Variants in PALB2 observed in about 807,000 individuals in gnomAD.
PALB2 encodes the protein mutant partner and localizer of BRCA2.
PALB2 carries 82 observed loss-of-function variants against 107.4 expected under a neutral mutation model. That is an observed-to-expected ratio of 0.76 (90% CI 0.64 to 0.92). The LOEUF (loss-of-function observed/expected upper bound fraction) is 0.92. Among genes scored for constraint, PALB2 ranks in the 40% least tolerant of loss-of-function variants. PALB2 has a pLI of 0.00. For synonymous variants in PALB2, 489 were observed against 496.8 expected (o/e 0.98, Z 0.21); for missense variants, 1,374 against 1,379.9 (o/e 1.00, Z 0.07).
chr16:23,633,291 C>T (rs995583403), intron 4 of PALB2, among the ~76,000 whole-genome samples: 3 of 152,168 alleles, frequency 2.0e-5, no homozygotes, highest in Admixed American at 1.3e-4. Context: ...TATTTTTGCA[C>T]ATAAAGTTGT....
chr16:23,618,674 TA>T (rs1262741541), intron 10 of PALB2, among the ~76,000 whole-genome samples: 2 of 151,820 alleles, frequency 1.3e-5, no homozygotes, highest in East Asian at 1.9e-4. Context: ...AGACATAGTC[TA>T]AAAAAATTTA....
intron 10 of PALB2, among the ~76,000 whole-genome samples, chr16:23,616,393 T>A (rs2142309083): frequency 6.6e-6 from 1 of 152,334 alleles, no homozygotes; most frequent in South Asian, 2.1e-4. Flanking sequence ...AAATTAAATT[T>A]TTATGTGCAT....
At chr16:23,617,580 AT>A (rs59234794) in intron 10 of PALB2, 25,846 of 135,118 alleles carry the variant, frequency 0.19, 2,337 homozygotes, top group African/African-American at 0.26. Context: ...AAAAAAAAAA[AT>A]TTTTTTTTTT....
At chr16:23,619,308 C>G (rs1966734069) in intron 10 of PALB2, among the ~76,000 whole-genome samples, 1 of 152,084 alleles carries the variant, frequency 6.6e-6, no homozygotes, top group South Asian at 2.1e-4. Flanking sequence ...TGATGGTTTC[C>G]CTATCACAAA....
chr16:23,608,344 C>A (rs1050552402), intron 11 of PALB2, among the ~76,000 whole-genome samples: 1 of 151,966 alleles, frequency 6.6e-6, no homozygotes, highest in Non-Finnish European at 1.5e-5. Flanking sequence ...CGTCAGCCAC[C>A]GCGCTCAGCC....
At chr16:23,633,690 T>C (rs1031207194) in intron 4 of PALB2, among the ~76,000 whole-genome samples, 2 of 152,136 alleles carry the variant, frequency 1.3e-5, no homozygotes, top group Non-Finnish European at 2.9e-5. Flanking sequence ...CTAAAAGAGA[T>C]AGTCAGTGGA....
chr16:23,626,504 TA>T (rs1966843142), intron 6 of PALB2, 107 bp from the exon 7 acceptor site: 1 of 1,390,098 alleles, frequency 7.2e-7, no homozygotes, highest in Non-Finnish European at 1.0e-6. Flanking sequence ...AGTAGGTATG[TA>T]AAATTTAAGT....
At chr16:23,623,482 G>T (rs1597081968) in intron 8 of PALB2, among the ~76,000 whole-genome samples, 1 of 143,810 alleles carries the variant, frequency 7.0e-6, no homozygotes, top group Non-Finnish European at 1.5e-5. Flanking sequence ...GATTACAGGT[G>T]TGAGCCACCA....
intron 7 of PALB2, among the ~76,000 whole-genome samples, chr16:23,625,720 C>G (rs2142350491): frequency 6.6e-6 from 1 of 152,252 alleles, no homozygotes; most frequent in South Asian, 2.1e-4. Flanking sequence ...TCCCTTGAAC[C>G]TGGGCGGCAG....
At chr16:23,631,584 T>C (rs966797515) in intron 4 of PALB2, among the ~76,000 whole-genome samples, 8 of 152,154 alleles carry the variant, frequency 5.3e-5, no homozygotes, top group African/African-American at 1.9e-4. Context: ...GTATGGTCAA[T>C]AGTATTAACT....
At chr16:23,632,969 C>CT (rs1263789684) in intron 4 of PALB2, among the ~76,000 whole-genome samples, 2 of 152,140 alleles carry the variant, frequency 1.3e-5, no homozygotes, top group Non-Finnish European at 2.9e-5. Context: ...TGGTGGGCAC[C>CT]TGTAATCTCA....
rs773924164 is a variant in PALB2, at chr16:23,641,181, A to G, written c.-24T>C. The G allele has an allele frequency of 1.9e-5, 31 of 1,610,458 alleles. No individual in the cohort carries two copies. Among genetic ancestry groups the G allele is most frequent in the Non-Finnish European group, 2.4e-5 (28 of 1,179,172 alleles). On this transcript the variant is annotated 5_prime_UTR_variant, in exon 1 of 13. Coordinates refer to ENST00000261584, the MANE Select transcript of PALB2 (RefSeq NM_024675.4). The stretch of plus-strand genomic sequence containing the variant: ...ATCGGGCAGGCGACAGAACGAAAAG[A>G]GCAGCCGTCGCCGACCCCAGGCCTG...
In PALB2 at chr16:23,608,106, A is replaced by C. The variant is rs1028642916; in HGVS notation, c.3202-94T>G. 8 of 1,340,022 alleles carry C rather than the reference A, an allele frequency of 6.0e-6. No homozygotes were observed. The Admixed American group carries it at 1.5e-4, about 25-fold the overall frequency. 83.0% of individuals were successfully genotyped at this position (1,340,022 alleles called of 1,614,324 possible). ...GCAGAGACAAAAACCAAACAATTAA[A>C]GCAATGACCGATAGGCTCTGAAGTA... On this transcript the variant is annotated intron_variant, in intron 11 of 12. Coordinates refer to ENST00000261584, the MANE Select transcript of PALB2 (RefSeq NM_024675.4).
intron 11 of PALB2, among the ~76,000 whole-genome samples, chr16:23,611,660 G>A (rs1966591045): frequency 6.6e-6 from 1 of 151,892 alleles, no homozygotes; most frequent in Non-Finnish European, 1.5e-5. Flanking sequence ...GTTTCACCAT[G>A]TTGGCCAGGC....
At chr16:23,618,935 C>G (rs1487331593) in intron 10 of PALB2, among the ~76,000 whole-genome samples, 2 of 152,154 alleles carry the variant, frequency 1.3e-5, no homozygotes, top group African/African-American at 4.8e-5. Flanking sequence ...TCTGGCAGAT[C>G]AGAACATAGT....
chr16:23,629,390 G>T, intron 5 of PALB2, 115 bp from the exon 6 acceptor site: 2 of 1,041,982 alleles, frequency 1.9e-6, no homozygotes, highest in Non-Finnish European at 2.9e-6. Flanking sequence ...TATAACAGCA[G>T]CAAAGCTCCA....
rs957106428 is a variant in PALB2, at chr16:23,629,278, G to A, written c.2515-3C>T. On this transcript the variant is annotated splice_polypyrimidine_tract_variant and splice_region_variant and intron_variant, in intron 5 of 12. Coordinates refer to ENST00000261584, the MANE Select transcript of PALB2 (RefSeq NM_024675.4). ...GCAGGAAGCTCTGCTGTTTCAGTCT[G>A]TGAAAACAAAAGTCACATCATTAGT... 19 of 1,612,810 alleles carry A rather than the reference G, an allele frequency of 1.2e-5. No homozygotes were observed. The highest frequency in any genetic ancestry group is 1.6e-5 in the Non-Finnish European group (19 of 1,179,494).
intron 6 of PALB2, among the ~76,000 whole-genome samples, chr16:23,628,894 A>G (rs553492479): frequency 8.5e-5 from 13 of 152,268 alleles, no homozygotes; most frequent in Non-Finnish European, 1.5e-4. Flanking sequence ...TCAGCCTCCC[A>G]AAGTGCTGAG....
chr16:23,623,073 T>C lies in PALB2; in HGVS notation c.2892A>G (p.Gly964=), dbSNP rs762772267. ...TCAGGCCAAGCACAGCTTTTATATT[T>C]CCAGACTTCAGTAGTACTTGCTTTT... ...ESEKQVLLKS[G]NIKAVLGLTK... The change falls in exon 9 of 13, where the codon GGA becomes GGG. Residue 964 remains glycine, a synonymous_variant. Transcript: ENST00000261584. 1.2e-6 allele frequency: 2 copies of C among 1,614,052 alleles called. No individual in the cohort carries two copies. The highest frequency in any genetic ancestry group is 8.5e-7 in the Non-Finnish European group (1 of 1,179,986).
Sources: gnomAD v4.1 joint callset for allele counts (sites outside exome capture counted in the v4.1 genomes callset) on GRCh38, gnomAD v4.1.1 for gene constraint, MANE v1.5 for transcripts, NCBI Gene and HGNC (gene_info 2026-07-23, HGNC 2026-07-21) for gene names.